PTPRK: variants seen among roughly 807,000 people sequenced by gnomAD.
PTPRK encodes the protein protein tyrosine phosphatase receptor type K.
PTPRK carries 75 observed loss-of-function variants against 178.0 expected under a neutral mutation model. The observed-to-expected ratio is 0.42, with a 90% CI of 0.35 to 0.51. The LOEUF is 0.51. Ranked by LOEUF, PTPRK falls within the 20% of genes least tolerant of loss-of-function variation. The pLI is 0.02. For synonymous variants in PTPRK, 637 were observed against 620.6 expected, an observed-to-expected ratio of 1.03 and a Z score of -0.39; for missense variants, 1,441 against 1,797.8, an observed-to-expected ratio of 0.80 and a Z score of 3.59.
chr6:128,451,582 T>C (rs934922152), intron 1 of PTPRK, among the ~76,000 whole-genome samples: 3 of 152,068 alleles, frequency 2.0e-5, no homozygotes, highest in Admixed American at 6.6e-5. Context: ...AGCTAGAAAC[T>C]GAAGATTTGC....
At chr6:128,201,326 T>C (rs754318857) in intron 6 of PTPRK, among the ~76,000 whole-genome samples, 11 of 152,184 alleles carry the variant, frequency 7.2e-5, no homozygotes, top group Non-Finnish European at 1.5e-4. Flanking sequence ...TCTTAACTTT[T>C]AATAAACCAC....
chr6:128,231,160 T>C (rs1157841755), intron 5 of PTPRK, among the ~76,000 whole-genome samples: 1 of 152,232 alleles, frequency 6.6e-6, no homozygotes, highest in African/African-American at 2.4e-5. Flanking sequence ...TAATCCATGA[T>C]ATGAGATCGG....
At chr6:128,191,379 G>A (rs1803755827) in intron 6 of PTPRK, among the ~76,000 whole-genome samples, 1 of 152,058 alleles carries the variant, frequency 6.6e-6, no homozygotes, top group Non-Finnish European at 1.5e-5. Flanking sequence ...AGAGTAGAAT[G>A]GTGGTTACCA....
chr6:128,423,712 C>T (rs1843756896), intron 1 of PTPRK, among the ~76,000 whole-genome samples: 1 of 151,952 alleles, frequency 6.6e-6, no homozygotes, highest in Non-Finnish European at 1.5e-5. Flanking sequence ...CCTGTAATCC[C>T]AGCTACACGG....
At chr6:128,334,966 T>C (rs1219303093) in intron 2 of PTPRK, among the ~76,000 whole-genome samples, 1 of 152,094 alleles carries the variant, frequency 6.6e-6, no homozygotes, top group Non-Finnish European at 1.5e-5. Context: ...CGGGCACCTG[T>C]AATCCCAGCT....
chr6:128,363,948 A>G (rs755615032), intron 2 of PTPRK, among the ~76,000 whole-genome samples: 1 of 152,078 alleles, frequency 6.6e-6, no homozygotes, highest in Admixed American at 6.6e-5. Context: ...GTTAGTTACC[A>G]TATCAGTCGA....
intron 2 of PTPRK, among the ~76,000 whole-genome samples, chr6:128,387,878 A>C (rs186106777): frequency 2.2e-4 from 33 of 152,244 alleles, no homozygotes; most frequent in African/African-American, 7.2e-4. Flanking sequence ...AGGGGCATCC[A>C]ATCTTTTGGC....
At chr6:128,479,611 C>T (rs9491964) in intron 1 of PTPRK, among the ~76,000 whole-genome samples, 5,883 of 152,124 alleles carry the variant, frequency 0.039, 162 homozygotes, top group African/African-American at 0.075. Context: ...TCACTCTCTG[C>T]CTTCCTAAGA....
chr6:128,441,476 T>C (rs1846275858), intron 1 of PTPRK, among the ~76,000 whole-genome samples: 8 of 152,088 alleles, frequency 5.3e-5, no homozygotes, highest in Admixed American at 5.2e-4. Flanking sequence ...ATTAGAAAAT[T>C]AAAACAATTG....
chr6:128,221,535 AAAT>A (rs909031536), intron 5 of PTPRK, among the ~76,000 whole-genome samples: 71 of 150,068 alleles, frequency 4.7e-4, no homozygotes, highest in East Asian at 7.8e-4. Context: ...AAAAAAAAAA[AAAT>A]AATAATAATA....
chr6:128,126,433 T>C (rs974168799), intron 7 of PTPRK, among the ~76,000 whole-genome samples: 1 of 152,226 alleles, frequency 6.6e-6, no homozygotes, highest in East Asian at 1.9e-4. Context: ...GGTGATTTTA[T>C]ATAAAGCTGC....
chr6:128,247,316 T>A (rs1221212821), intron 3 of PTPRK, among the ~76,000 whole-genome samples: 2 of 152,104 alleles, frequency 1.3e-5, no homozygotes, highest in Admixed American at 6.5e-5. Flanking sequence ...ATTTAACTCA[T>A]ATTCTTTTTC....
intron 2 of PTPRK, among the ~76,000 whole-genome samples, chr6:128,374,478 A>G (rs906156726): frequency 6.6e-5 from 10 of 152,124 alleles, no homozygotes; most frequent in African/African-American, 2.4e-4. Context: ...CCCCTCTCAC[A>G]TTCATCCCCA....
At chr6:128,097,248 T>A (rs985177273) in intron 7 of PTPRK, among the ~76,000 whole-genome samples, 1 of 152,040 alleles carries the variant, frequency 6.6e-6, no homozygotes, top group African/African-American at 2.4e-5. Context: ...GGATATAAAG[T>A]GACAGAGGGT....
chr6:128,306,194 G>A (rs1295386913), intron 3 of PTPRK, among the ~76,000 whole-genome samples: 1 of 152,012 alleles, frequency 6.6e-6, no homozygotes, highest in East Asian at 1.9e-4. Flanking sequence ...ACCATACCAG[G>A]GAATAAAGGA....
At chr6:128,073,448 T>C (rs1223458246) in intron 11 of PTPRK, among the ~76,000 whole-genome samples, 3 of 152,200 alleles carry the variant, frequency 2.0e-5, no homozygotes, top group Non-Finnish European at 4.4e-5. Flanking sequence ...AATCCTTATG[T>C]GATAAAAGTA....
chr6:128,298,900 T>G (rs1438896239), intron 3 of PTPRK, among the ~76,000 whole-genome samples: 1 of 152,064 alleles, frequency 6.6e-6, no homozygotes, highest in African/African-American at 2.4e-5. Flanking sequence ...AAATAAAGGG[T>G]ATTCAATTAG....
chr6:128,391,653 A>T (rs1839593822), intron 2 of PTPRK, among the ~76,000 whole-genome samples: 1 of 152,136 alleles, frequency 6.6e-6, no homozygotes. Flanking sequence ...GGATGAAAAT[A>T]TTAGTCAAAG....
rs1829938418 is a variant in PTPRK, at chr6:128,329,096, A to T, written c.224-6786T>A. 2.6e-5 allele frequency among the ~76,000 whole-genome samples: 4 copies of T among 152,244 alleles called. No individual in the cohort carries two copies. The South Asian group carries it at 8.3e-4, about 32-fold the overall frequency. Reference sequence around the variant, plus strand: ...TGAAAGAGTATGAGGGTCTACAGAGATCTTTGGATCACATGTAGAGAACCC... The same window carrying T: ...TGAAAGAGTATGAGGGTCTACAGAGTTCTTTGGATCACATGTAGAGAACCC... On this transcript the variant is annotated intron_variant, in intron 2 of 29. Transcript: ENST00000368226.
Sources: allele counts gnomAD v4.1 joint callset (sites outside exome capture counted in the v4.1 genomes callset), GRCh38; gene constraint gnomAD v4.1.1; transcripts MANE v1.5; gene names NCBI Gene and HGNC (gene_info 2026-07-23, HGNC 2026-07-21).